The following CCSER1 variants were observed in gnomAD, a reference collection of about 807,000 sequenced individuals.
CCSER1 encodes the protein coiled-coil serine rich protein 1, also known as serine-rich coiled-coil domain-containing protein 1.
A neutral mutation model predicts 82.0 loss-of-function variants in CCSER1; 41 were observed. That is an observed-to-expected ratio of 0.50 (90% CI 0.39 to 0.65). The LOEUF (loss-of-function observed/expected upper bound fraction) is 0.65. Ranked by LOEUF, CCSER1 falls within the 30% of genes least tolerant of loss-of-function variation. CCSER1 has a pLI of 0.00. For missense variants in CCSER1, 1,119 were observed against 1,064.2 expected, an observed-to-expected ratio of 1.05 and a Z score of -0.72; for synonymous variants, 414 against 383.9, an observed-to-expected ratio of 1.08 and a Z score of -0.92.
At chr4:91,234,777 T>C (rs1738877065) in intron 10 of CCSER1, among the ~76,000 whole-genome samples, 1 of 152,156 alleles carries the variant, frequency 6.6e-6, no homozygotes, top group Admixed American at 6.5e-5. Context: ...TCCCTGGGGT[T>C]CTTCCTTTAT....
intron 10 of CCSER1, among the ~76,000 whole-genome samples, chr4:91,378,653 G>A (rs911094174): frequency 6.6e-6 from 1 of 152,192 alleles, no homozygotes; most frequent in Admixed American, 6.5e-5. Context: ...ATTTTGGGCT[G>A]AGATGATGGG....
At position 90,745,678 on chromosome 4, in the gene CCSER1, CTTTTTTTTT is replaced by C. The variant is rs537380046; in HGVS notation, c.2010+21708_2010+21716del. Reference sequence around the variant, plus strand: ...GAATTACACAAGCTATTTCTTTTATCTTTTTTTTTTTTTTTTTTTTTTTTTTTTTGAGAC... The same window carrying C: ...GAATTACACAAGCTATTTCTTTTATCTTTTTTTTTTTTTTTTTTTTGAGAC... On this transcript the variant is annotated intron_variant, in intron 7 of 10. Coordinates refer to ENST00000509176, the MANE Select transcript of CCSER1 (RefSeq NM_001145065.2). 7.7e-3 allele frequency among the ~76,000 whole-genome samples: 558 copies of C among 72,240 alleles called. 4 individuals are homozygous for C. Among genetic ancestry groups the C allele is most frequent in the African/African-American group, 0.031 (527 of 17,174 alleles). The allele number at this position is 72,240 out of a possible 152,430, so 47.4% of individuals were successfully genotyped here.
chr4:91,570,116 C>T (rs1763100175), intron 10 of CCSER1, among the ~76,000 whole-genome samples: 1 of 152,212 alleles, frequency 6.6e-6, no homozygotes. Flanking sequence ...TCTCCTTTGA[C>T]TCCAAGTCTC....
chr4:91,023,928 G>A (rs1413411438), intron 9 of CCSER1, among the ~76,000 whole-genome samples: 4 of 152,126 alleles, frequency 2.6e-5, no homozygotes, highest in Non-Finnish European at 5.9e-5. Flanking sequence ...AGCTGAAACT[G>A]GGTAATTTAT....
At chr4:91,147,640 C>G (rs545585412) in intron 10 of CCSER1, among the ~76,000 whole-genome samples, 2 of 152,116 alleles carry the variant, frequency 1.3e-5, no homozygotes, top group Non-Finnish European at 2.9e-5. Flanking sequence ...ATTTTCTGGC[C>G]CCTTAGGGTG....
intron 10 of CCSER1, among the ~76,000 whole-genome samples, chr4:91,523,483 G>A (rs113964227): frequency 7.0e-4 from 107 of 152,180 alleles, no homozygotes; most frequent in African/African-American, 2.4e-3. Flanking sequence ...GGTAGAATTC[G>A]GCTGGGAATC....
intron 10 of CCSER1, among the ~76,000 whole-genome samples, chr4:91,597,511 G>A (rs111824333): frequency 6.1e-4 from 93 of 152,124 alleles, no homozygotes; most frequent in African/African-American, 2.2e-3. Flanking sequence ...GCCTGAATGT[G>A]GTGCCATTTA....
intron 7 of CCSER1, among the ~76,000 whole-genome samples, chr4:90,788,929 C>T (rs1279899334): frequency 6.6e-6 from 1 of 152,066 alleles, no homozygotes; most frequent in East Asian, 1.9e-4. Flanking sequence ...CCAGGCATTC[C>T]TCTTTCCCTG....
At chr4:90,825,193 C>A (rs1196888525) in intron 8 of CCSER1, among the ~76,000 whole-genome samples, 1 of 152,022 alleles carries the variant, frequency 6.6e-6, no homozygotes, top group Non-Finnish European at 1.5e-5. Flanking sequence ...GATTTAAATG[C>A]CAATAGGAAG....
At chr4:91,568,717 T>G (rs540531236) in intron 10 of CCSER1, among the ~76,000 whole-genome samples, 2 of 152,328 alleles carry the variant, frequency 1.3e-5, no homozygotes, top group African/African-American at 4.8e-5. Flanking sequence ...CTTTTTATAC[T>G]GGCTATTTCA....
At position 91,094,665 on chromosome 4, in the gene CCSER1, G is replaced by C. The variant is rs1024130447; in HGVS notation, c.2217+8671G>C. Among the ~76,000 whole-genome samples the C allele has an allele frequency of 3.3e-5, 5 of 152,112 alleles. No homozygotes were observed. In the East Asian group the frequency reaches 5.8e-4, roughly 18 times the overall value. The stretch of plus-strand genomic sequence containing the variant: ...TTTTGTCTAATTGGCTGAGCCCCAG[G>C]CTTAACTTGTATGAGTACTGGGGCT... On this transcript the variant is annotated intron_variant, in intron 10 of 10. Coordinates refer to ENST00000509176, the MANE Select transcript of CCSER1 (RefSeq NM_001145065.2).
intron 5 of CCSER1, among the ~76,000 whole-genome samples, chr4:90,490,075 G>C (rs988462933): frequency 2.6e-5 from 4 of 151,926 alleles, no homozygotes; most frequent in Non-Finnish European, 4.4e-5. Flanking sequence ...TTTCTAGTTC[G>C]ATATCCCTGA....
chr4:91,424,218 C>T (rs1753845366), intron 10 of CCSER1, among the ~76,000 whole-genome samples: 1 of 151,172 alleles, frequency 6.6e-6, no homozygotes, highest in Non-Finnish European at 1.5e-5. Flanking sequence ...GGGGTTTCAC[C>T]TTGTTAGCCA....
Position 90,959,369 on chromosome 4 carries a change from A to T in CCSER1, c.2172+35922A>T, listed in dbSNP as rs144832860. ...CCTACTCTATGCCAGGCACTTGGTC[A>T]GATGTTGGAATCCATTTCATCTAAT... On this transcript the variant is annotated intron_variant, in intron 9 of 10. Transcript: ENST00000509176. Among the ~76,000 whole-genome samples the T allele has an allele frequency of 3.9e-3, 598 of 152,308 alleles. 1 individual carries two copies. Among genetic ancestry groups the T allele is most frequent in the Non-Finnish European group, 5.4e-3 (364 of 68,018 alleles).
chr4:90,798,863 G>C (rs1258541345), intron 7 of CCSER1, among the ~76,000 whole-genome samples: 2 of 152,150 alleles, frequency 1.3e-5, no homozygotes, highest in African/African-American at 4.8e-5. Flanking sequence ...CACTGAGGTG[G>C]GGGGAGGCAG....
chr4:90,189,550 G>T (rs1578399936), intron 1 of CCSER1, among the ~76,000 whole-genome samples: 1 of 151,674 alleles, frequency 6.6e-6, no homozygotes, highest in Admixed American at 6.6e-5. Context: ...ATAGATGTGT[G>T]TATATATGTA....
At chr4:91,587,780 C>G (rs73836259) in intron 10 of CCSER1, among the ~76,000 whole-genome samples, 22,964 of 151,496 alleles carry the variant, frequency 0.15, 1,763 homozygotes, top group South Asian at 0.22. Context: ...ATATTAAACA[C>G]TGCTTTAGAA....
chr4:90,750,403 C>G (rs2149480815), intron 7 of CCSER1, among the ~76,000 whole-genome samples: 1 of 152,178 alleles, frequency 6.6e-6, no homozygotes, highest in South Asian at 2.1e-4. Flanking sequence ...CTCTAGTTGC[C>G]AGCCCCATCT....
chr4:90,835,214 C>T (rs1466687740), intron 8 of CCSER1, among the ~76,000 whole-genome samples: 1 of 152,140 alleles, frequency 6.6e-6, no homozygotes, highest in African/African-American at 2.4e-5. Context: ...GCCTGTAGTC[C>T]CAGCTACTCA....
Sources: allele counts gnomAD v4.1 joint callset (sites outside exome capture counted in the v4.1 genomes callset), GRCh38; gene constraint gnomAD v4.1.1; transcripts MANE v1.5; gene names NCBI Gene and HGNC (gene_info 2026-07-23, HGNC 2026-07-21).